LPAR1: variants seen among roughly 807,000 people sequenced by gnomAD.
The protein encoded by LPAR1 is LPA receptor 1.
A neutral mutation model predicts 23.8 loss-of-function variants in LPAR1; 5 were observed. That is an observed-to-expected ratio of 0.21 (90% CI 0.11 to 0.44). LPAR1 has a LOEUF of 0.44. Ranked by LOEUF, LPAR1 falls within the 20% of genes least tolerant of loss-of-function variation. The pLI is 0.99. For missense variants in LPAR1, 311 were observed against 482.8 expected, an observed-to-expected ratio of 0.64 and a Z score of 3.33; for synonymous variants, 160 against 164.7, an observed-to-expected ratio of 0.97 and a Z score of 0.22.
chr9:110,910,930 G>A (rs1024837882), intron 5 of LPAR1, among the ~76,000 whole-genome samples: 9 of 152,150 alleles, frequency 5.9e-5, no homozygotes, highest in African/African-American at 2.2e-4. Context: ...AGTGGTCTCT[G>A]GAGATAGAAT....
intron 5 of LPAR1, among the ~76,000 whole-genome samples, chr9:110,926,704 T>TTC (rs1554788534): frequency 1.3e-5 from 2 of 151,824 alleles, no homozygotes; most frequent in African/African-American, 4.8e-5. Flanking sequence ...GTGTTTTTTT[T>TTC]CCCCTAACTC....
At chr9:110,882,624 G>A (rs10980611) in intron 5 of LPAR1, among the ~76,000 whole-genome samples, 1 of 152,108 alleles carries the variant, frequency 6.6e-6, no homozygotes, top group African/African-American at 2.4e-5. Context: ...TTAAGTGTGA[G>A]GGTTTTTTAA....
At position 110,975,259 on chromosome 9, in the gene LPAR1, C is replaced by T. The variant is rs929493062; in HGVS notation, c.-181-1701G>A. On this transcript the variant is annotated intron_variant, in intron 2 of 5. Transcript: ENST00000683809. ...GGCACCTAGCTTAGAGTAAGGAAAGCGAAATAGAAATGGATGAGATCCACC... is the reference window on the plus strand; with the variant it reads ...GGCACCTAGCTTAGAGTAAGGAAAGTGAAATAGAAATGGATGAGATCCACC... 2.6e-5 allele frequency among the ~76,000 whole-genome samples: 4 copies of T among 152,022 alleles called. 1 individual carries two copies. The South Asian group carries it at 6.2e-4, about 24-fold the overall frequency.
chr9:110,996,633 C>T (rs2097014739), intron 2 of LPAR1, among the ~76,000 whole-genome samples: 1 of 152,132 alleles, frequency 6.6e-6, no homozygotes, highest in Non-Finnish European at 1.5e-5. Flanking sequence ...TAAGCCAAGT[C>T]ATAGCGATAA....
In LPAR1 at chr9:110,982,384, C is replaced by A. The variant is rs551312294; in HGVS notation, c.-181-8826G>T. The stretch of plus-strand genomic sequence containing the variant: ...AGCAAAGTAACACAAGAAGAGAAAA[C>A]CAAACACCACATATTCTCACTCATA... On this transcript the variant is annotated intron_variant, in intron 2 of 5. Transcript: ENST00000683809. Among the ~76,000 whole-genome samples the A allele has an allele frequency of 5.6e-3, 856 of 152,124 alleles. 9 individuals carry two copies. The highest frequency in any genetic ancestry group is 0.014 in the South Asian group (68 of 4,814).
intron 5 of LPAR1, among the ~76,000 whole-genome samples, chr9:110,938,022 G>A (rs946688826): frequency 6.6e-6 from 1 of 152,068 alleles, no homozygotes; most frequent in Non-Finnish European, 1.5e-5. Flanking sequence ...AATTCACTAC[G>A]GCTCTGGTCT....
intron 2 of LPAR1, among the ~76,000 whole-genome samples, chr9:111,030,814 T>G (rs2097781062): frequency 6.6e-6 from 1 of 152,160 alleles, no homozygotes; most frequent in South Asian, 2.1e-4. Flanking sequence ...GAAGGGCCCA[T>G]GCAGGCTCTT....
chr9:110,907,921 A>C (rs1469751905), intron 5 of LPAR1, among the ~76,000 whole-genome samples: 3 of 136,484 alleles, frequency 2.2e-5, no homozygotes, highest in Non-Finnish European at 3.0e-5. Flanking sequence ...GACAAAACAC[A>C]CACACACACA....
intron 5 of LPAR1, among the ~76,000 whole-genome samples, chr9:110,884,121 A>C (rs2081671633): frequency 6.6e-6 from 1 of 152,210 alleles, no homozygotes; most frequent in Non-Finnish European, 1.5e-5. Flanking sequence ...GCATAGTACG[A>C]GTCCTTACTT....
In LPAR1 at chr9:110,950,739, A is replaced by G. The variant is rs948069870; in HGVS notation, c.46-8571T>C. ...AATAAGTCTGACTTTACAAAAGCAT[A>G]CAAGCAAACCTAAATAAATGAAGAA... On this transcript the variant is annotated intron_variant, in intron 4 of 5. Transcript: ENST00000683809. Among the ~76,000 whole-genome samples the G allele has an allele frequency of 2.9e-4, 44 of 152,322 alleles. 1 individual carries two copies. The highest frequency in any genetic ancestry group is 2.7e-3 in the Admixed American group (42 of 15,294).
chr9:110,996,166 G>A (rs1209349549), intron 2 of LPAR1, among the ~76,000 whole-genome samples: 1 of 152,150 alleles, frequency 6.6e-6, no homozygotes, highest in African/African-American at 2.4e-5. Context: ...GTCCAAATAT[G>A]TAGAGAATGG....
At chr9:110,944,023 G>A (rs1194221450) in intron 4 of LPAR1, among the ~76,000 whole-genome samples, 2 of 152,062 alleles carry the variant, frequency 1.3e-5, no homozygotes, top group Non-Finnish European at 2.9e-5. Context: ...AGATATTAAT[G>A]ACTCCAAACT....
At chr9:110,951,865 G>A (rs2095580357) in intron 4 of LPAR1, among the ~76,000 whole-genome samples, 1 of 152,034 alleles carries the variant, frequency 6.6e-6, no homozygotes, top group Admixed American at 6.6e-5. Flanking sequence ...TTATCAACTG[G>A]TGAAGGAATA....
chr9:110,909,975 C>G (rs1367926761), intron 5 of LPAR1, among the ~76,000 whole-genome samples: 3 of 152,058 alleles, frequency 2.0e-5, no homozygotes, highest in Non-Finnish European at 4.4e-5. Flanking sequence ...TCTCAAACTC[C>G]TAAGCTCAAG....
intron 2 of LPAR1, among the ~76,000 whole-genome samples, chr9:110,990,895 T>G (rs1430907653): frequency 1.3e-5 from 2 of 152,164 alleles, no homozygotes; most frequent in Non-Finnish European, 2.9e-5. Flanking sequence ...GTCATTACTA[T>G]TGTCCCTGTC....
intron 5 of LPAR1, among the ~76,000 whole-genome samples, chr9:110,882,312 C>T (rs1001345898): frequency 2.0e-4 from 31 of 152,094 alleles, no homozygotes; most frequent in African/African-American, 6.8e-4. Flanking sequence ...TATTGCCTGG[C>T]GACAGCAGAC....
rs1476864737 is a variant in LPAR1 at position 110,972,142 on chromosome 9, G to C, written c.-25C>G. 6.2e-7 allele frequency: 1 copy of C among 1,611,878 alleles called. No homozygotes were observed. Among genetic ancestry groups the C allele is most frequent in the South Asian group, 1.1e-5 (1 of 91,024 alleles). On this transcript the variant is annotated 5_prime_UTR_variant, in exon 4 of 6. Transcript: ENST00000683809. ...TGACAGCTCTGTGGTTGTAGGTGGT[G>C]AACACGCCCCAGAACTACGGGAGAC...
chr9:110,892,578 C>A (rs917790482), intron 5 of LPAR1, among the ~76,000 whole-genome samples: 1 of 151,082 alleles, frequency 6.6e-6, no homozygotes, highest in African/African-American at 2.4e-5. Context: ...GCAGGAGAAT[C>A]GCTTGATTTT....
intron 2 of LPAR1, among the ~76,000 whole-genome samples, chr9:111,026,777 G>C (rs983063040): frequency 7.2e-5 from 11 of 152,182 alleles, no homozygotes; most frequent in Non-Finnish European, 1.5e-4. Context: ...TGCATCTATT[G>C]AGATAATCAT....
Sources: allele counts gnomAD v4.1 joint callset (sites outside exome capture counted in the v4.1 genomes callset), GRCh38; gene constraint gnomAD v4.1.1; transcripts MANE v1.5; gene names NCBI Gene and HGNC (gene_info 2026-07-23, HGNC 2026-07-21).